Variants in OXR1 observed in about 807,000 individuals in gnomAD.
OXR1 encodes oxidation resistance protein 1.
Under a neutral mutation model 104.6 loss-of-function variants are expected in OXR1, and 41 were observed. The observed-to-expected ratio is 0.39, with a 90% confidence interval of 0.31 to 0.51. The LOEUF is 0.51. Among genes scored for constraint, OXR1 ranks in the 20% least tolerant of loss-of-function variants. The pLI, the probability that OXR1 is intolerant of heterozygous loss-of-function variation, is 0.77. For missense variants in OXR1, 955 were observed against 1,031.9 expected (o/e 0.93, Z 1.02); for synonymous variants, 348 against 348.4 (o/e 1.00, Z 0.01).
chr8:106,501,423 G>A (rs1342828360), intron 2 of OXR1, among the ~76,000 whole-genome samples: 1 of 152,228 alleles, frequency 6.6e-6, no homozygotes, highest in East Asian at 1.9e-4. Flanking sequence ...ATGGTGAGTG[G>A]TTTAGAATCT....
At chr8:106,403,383 A>T (rs916992908) in intron 2 of OXR1, among the ~76,000 whole-genome samples, 2 of 152,234 alleles carry the variant, frequency 1.3e-5, no homozygotes, top group Non-Finnish European at 2.9e-5. Context: ...GGCCTCTGCC[A>T]CACTGCAGTT....
chr8:106,610,492 A>G (rs187380377), intron 3 of OXR1, among the ~76,000 whole-genome samples: 35 of 152,292 alleles, frequency 2.3e-4, no homozygotes, highest in Admixed American at 5.9e-4. Flanking sequence ...ATTACAATGC[A>G]TGTGAAGACA....
chr8:106,609,482 T>A (rs915934951), intron 3 of OXR1, among the ~76,000 whole-genome samples: 1 of 152,184 alleles, frequency 6.6e-6, no homozygotes, highest in African/African-American at 2.4e-5. Flanking sequence ...CTTTCAAACC[T>A]ATTACTTTTT....
At chr8:106,373,298 A>G (rs564406357) in intron 2 of OXR1, among the ~76,000 whole-genome samples, 2 of 152,260 alleles carry the variant, frequency 1.3e-5, no homozygotes, top group African/African-American at 4.8e-5. Context: ...TTATTTTTAA[A>G]TCCCCTCCCT....
At chr8:106,630,957 G>A (rs1363307131) in intron 3 of OXR1, among the ~76,000 whole-genome samples, 2 of 152,128 alleles carry the variant, frequency 1.3e-5, no homozygotes, top group Non-Finnish European at 2.9e-5. Context: ...GGACTTTTGG[G>A]GGTTGGTCGG....
intron 2 of OXR1, among the ~76,000 whole-genome samples, chr8:106,512,884 C>G (rs1313140508): frequency 2.6e-5 from 4 of 152,078 alleles, no homozygotes; most frequent in African/African-American, 9.7e-5. Context: ...AGATTTGCTA[C>G]AAAGAAAGCT....
chr8:106,289,572 A>G (rs1017848583), intron 1 of OXR1, among the ~76,000 whole-genome samples: 1 of 152,246 alleles, frequency 6.6e-6, no homozygotes. Context: ...AATTTCATTA[A>G]AATGGCCATA....
intron 2 of OXR1, among the ~76,000 whole-genome samples, chr8:106,493,709 T>C (rs1811246370): frequency 6.6e-6 from 1 of 152,216 alleles, no homozygotes; most frequent in Non-Finnish European, 1.5e-5. Context: ...GGGCTTAGGA[T>C]CGGCTAATTG....
intron 2 of OXR1, among the ~76,000 whole-genome samples, chr8:106,455,456 G>A (rs965429552): frequency 6.6e-6 from 1 of 152,108 alleles, no homozygotes. Context: ...ACTGTCTATT[G>A]ATAAAAACAT....
At chr8:106,284,098 C>A (rs1373302030) in intron 1 of OXR1, among the ~76,000 whole-genome samples, 1 of 151,948 alleles carries the variant, frequency 6.6e-6, no homozygotes, top group African/African-American at 2.4e-5. Flanking sequence ...AGGGGTAAAG[C>A]AAACATGGCC....
At chr8:106,657,886 T>A (rs1267011109) in intron 3 of OXR1, 2 of 1,016,218 alleles carry the variant, frequency 2.0e-6, no homozygotes, top group Non-Finnish European at 2.5e-6. Context: ...CCGCCTCCCC[T>A]GGGTCAGGTC....
At chr8:106,720,056 T>G (rs923547549) in intron 11 of OXR1, among the ~76,000 whole-genome samples, 2 of 152,190 alleles carry the variant, frequency 1.3e-5, no homozygotes, top group Admixed American at 6.5e-5. Context: ...TCCGCCTGCC[T>G]TGGCCTCCCA....
At chr8:106,573,168 C>T (rs966005612) in intron 3 of OXR1, among the ~76,000 whole-genome samples, 1 of 152,102 alleles carries the variant, frequency 6.6e-6, no homozygotes, top group African/African-American at 2.4e-5. Context: ...GATAGGATGA[C>T]GTCCATCCAC....
intron 1 of OXR1, among the ~76,000 whole-genome samples, chr8:106,339,962 A>C (rs985493067): frequency 6.6e-6 from 1 of 152,148 alleles, no homozygotes; most frequent in African/African-American, 2.4e-5. Context: ...ATTAGCTTTT[A>C]TGATCTGATA....
At chr8:106,400,647 A>G (rs748906220) in intron 2 of OXR1, among the ~76,000 whole-genome samples, 10 of 152,184 alleles carry the variant, frequency 6.6e-5, no homozygotes, top group Non-Finnish European at 1.2e-4. Context: ...GAAATACTGA[A>G]TTATAACATC....
At position 106,702,875 on chromosome 8, in the gene OXR1, G is replaced by A. The variant is rs778996079; in HGVS notation, c.676-31G>A. ...TAATTTTTGAAGTATCAACCTTGAGGATTAAATGTTACTTTCTTTTTTCAC... is the reference window on the plus strand; with the variant it reads ...TAATTTTTGAAGTATCAACCTTGAGAATTAAATGTTACTTTCTTTTTTCAC... On this transcript the variant is annotated intron_variant, in intron 7 of 16. Coordinates refer to ENST00000517566, the MANE Select transcript of OXR1 (RefSeq NM_001198533.2). 3.9e-6 allele frequency: 6 copies of A among 1,550,922 alleles called. No individual in the cohort carries two copies. In the South Asian group the frequency reaches 7.0e-5, roughly 18 times the overall value.
intron 2 of OXR1, among the ~76,000 whole-genome samples, chr8:106,370,627 T>C (rs1201040745): frequency 1.3e-5 from 2 of 152,152 alleles, no homozygotes; most frequent in Non-Finnish European, 2.9e-5. Flanking sequence ...AATTTTATCA[T>C]AGGCATTTTC....
chr8:106,329,998 CTG>C (rs1476996762), intron 1 of OXR1, among the ~76,000 whole-genome samples: 1 of 152,120 alleles, frequency 6.6e-6, no homozygotes, highest in Non-Finnish European at 1.5e-5. Flanking sequence ...TGACCCCTCT[CTG>C]TCTGTAGCCC....
intron 7 of OXR1, among the ~76,000 whole-genome samples, chr8:106,698,721 A>T (rs970001764): frequency 6.6e-6 from 1 of 152,124 alleles, no homozygotes; most frequent in Admixed American, 6.5e-5. Context: ...CTGTAAGTTC[A>T]TACTGGGTCC....
Sources: allele counts gnomAD v4.1 joint callset (sites outside exome capture counted in the v4.1 genomes callset), GRCh38; gene constraint gnomAD v4.1.1; transcripts MANE v1.5; gene names NCBI Gene and HGNC (gene_info 2026-07-23, HGNC 2026-07-21).